The following MYO3A variants were observed in gnomAD, a reference collection of about 807,000 sequenced individuals.
MYO3A encodes the protein myosin-IIIa.
In MYO3A, 180 loss-of-function variants were observed where a neutral mutation model predicts 192.7. The ratio of observed to expected loss-of-function variants is 0.93; its 90% CI spans 0.83 to 1.06. The LOEUF is 1.06. MYO3A is among the 50% of genes least tolerant of loss of function. The probability of loss-of-function intolerance (pLI) is 0.00; values close to 1 mark genes in which losing one functional copy is unlikely to be tolerated. For synonymous variants in MYO3A, 628 were observed against 645.3 expected (o/e 0.97, Z 0.41); for missense variants, 1,896 against 1,905.0 (o/e 1.00, Z 0.09).
At chr10:26,193,038 A>C (rs1355842443) in intron 31 of MYO3A, among the ~76,000 whole-genome samples, 167 bp from the exon 32 acceptor site, 1 of 152,174 alleles carries the variant, frequency 6.6e-6, no homozygotes, top group Non-Finnish European at 1.5e-5. Flanking sequence ...AGGAAAGCAC[A>C]TGGTGAGGAG....
intron 17 of MYO3A, among the ~76,000 whole-genome samples, chr10:26,118,934 A>G (rs1838682936): frequency 6.6e-6 from 1 of 152,082 alleles, no homozygotes; most frequent in Admixed American, 6.6e-5. Context: ...GCCCAGCTCC[A>G]AGCTCTTTCT....
At chr10:25,974,769 G>A (rs948814479) in intron 4 of MYO3A, among the ~76,000 whole-genome samples, 1 of 152,130 alleles carries the variant, frequency 6.6e-6, no homozygotes, top group African/African-American at 2.4e-5. Flanking sequence ...ATTTTTAGTA[G>A]TTATGGTTGC....
chr10:25,952,607 T>A (rs1312285204), intron 3 of MYO3A, among the ~76,000 whole-genome samples: 1 of 152,166 alleles, frequency 6.6e-6, no homozygotes, highest in African/African-American at 2.4e-5. Context: ...GAAGTAATCC[T>A]GAAATGGCAT....
At chr10:26,008,033 A>G (rs140059512) in intron 6 of MYO3A, among the ~76,000 whole-genome samples, 19,624 of 149,826 alleles carry the variant, frequency 0.13, 1,600 homozygotes, top group East Asian at 0.34. Flanking sequence ...ACCAAAACAC[A>G]GATATAGATC....
chr10:26,024,132 G>A, intron 9 of MYO3A, 45 bp downstream of exon 9: 1 of 1,513,938 alleles, frequency 6.6e-7, no homozygotes, highest in Non-Finnish European at 9.2e-7. Flanking sequence ...ATTCCCTCCT[G>A]CTATAACTAA....
rs1840225521 is a variant in MYO3A, at chr10:26,142,571, AC to A, written c.2263-876del. Among the ~76,000 whole-genome samples the A allele has an allele frequency of 2.0e-5, 3 of 152,308 alleles. No homozygotes were observed. In the South Asian group the frequency reaches 6.2e-4, roughly 32 times the overall value. On this transcript the variant is annotated intron_variant, in intron 20 of 34. Coordinates refer to ENST00000642920, the MANE Select transcript of MYO3A (RefSeq NM_017433.5). Reference sequence around the variant, plus strand: ...TATTATTAATATGCCATATGTTTTTACTTTGTGAAGTGGGGTTTGTTACCCC... The same window carrying A: ...TATTATTAATATGCCATATGTTTTTATTTGTGAAGTGGGGTTTGTTACCCC...
intron 3 of MYO3A, among the ~76,000 whole-genome samples, chr10:25,954,529 A>G (rs1473448888): frequency 2.6e-5 from 4 of 152,278 alleles, no homozygotes; most frequent in South Asian, 2.1e-4. Context: ...TTTCAGGTCA[A>G]TGGCTTTGCC....
At chr10:26,179,792 C>CT (rs1362435203) in intron 31 of MYO3A, among the ~76,000 whole-genome samples, 1 of 152,168 alleles carries the variant, frequency 6.6e-6, no homozygotes, top group Non-Finnish European at 1.5e-5. Flanking sequence ...GAACAAAAGT[C>CT]TAACAATAAC....
At chr10:26,093,924 A>G (rs1836852537) in intron 15 of MYO3A, among the ~76,000 whole-genome samples, 2 of 152,302 alleles carry the variant, frequency 1.3e-5, no homozygotes, top group South Asian at 4.1e-4. Context: ...CTCTAGTTAT[A>G]TAAGACCCCC....
intron 10 of MYO3A, among the ~76,000 whole-genome samples, chr10:26,028,558 C>T (rs922837586): frequency 5.3e-5 from 8 of 152,112 alleles, no homozygotes; most frequent in African/African-American, 1.9e-4. Context: ...TCATTCTTCC[C>T]GAAACAGACA....
At chr10:26,035,939 A>G (rs1288261323) in intron 10 of MYO3A, among the ~76,000 whole-genome samples, 1 of 150,856 alleles carries the variant, frequency 6.6e-6, no homozygotes, top group Non-Finnish European at 1.5e-5. Flanking sequence ...TTTGCCTAAG[A>G]CTTTTTTTTT....
intron 14 of MYO3A, among the ~76,000 whole-genome samples, chr10:26,072,352 A>G (rs1032266605): frequency 1.3e-5 from 2 of 152,204 alleles, no homozygotes; most frequent in Non-Finnish European, 2.9e-5. Context: ...CAGGAAGCCA[A>G]TGACTGAGAT....
At chr10:26,194,944 C>T (rs1287792737) in intron 32 of MYO3A, among the ~76,000 whole-genome samples, 1 of 152,188 alleles carries the variant, frequency 6.6e-6, no homozygotes, top group Admixed American at 6.5e-5. Flanking sequence ...CGCACACACT[C>T]ACAGCTTTGT....
At position 26,157,310 on chromosome 10, in the gene MYO3A, T is replaced by G. The variant is rs749624405; in HGVS notation, c.2794T>G (p.Tyr932Asp). Reference sequence around the variant, plus strand: ...AATTTATTTTTGTTGTGTATTATAGTATTCCCTGATGGATTTGTTGTCTAA... The same window carrying G: ...AATTTATTTTTGTTGTGTATTATAGGATTCCCTGATGGATTTGTTGTCTAA... ...KTQTVASYFR[Y>D]SLMDLLSKMV... The change falls in exon 26 of 35, where the codon TAT becomes GAT. Residue 932 changes from tyrosine to aspartate, a missense_variant and splice_region_variant. By Grantham distance (160) the Tyr-to-Asp change is radical (BLOSUM62 -3). Transcript: ENST00000642920. 1 of 1,613,928 alleles carries G rather than the reference T, an allele frequency of 6.2e-7. No individual in the cohort carries two copies. Among genetic ancestry groups the G allele is most frequent in the East Asian group, 2.2e-5 (1 of 44,872 alleles).
chr10:26,068,954 A>G (rs993825126), intron 12 of MYO3A, 70 bp downstream of exon 12: 1 of 1,073,722 alleles, frequency 9.3e-7, no homozygotes, highest in Non-Finnish European at 1.4e-6. Flanking sequence ...AAATTAATTT[A>G]AATGAATGCC....
chr10:26,110,149 A>G (rs575042016), intron 17 of MYO3A, among the ~76,000 whole-genome samples: 7 of 152,296 alleles, frequency 4.6e-5, no homozygotes, highest in Admixed American at 3.9e-4. Context: ...CAACTTGACC[A>G]TCTTCATTTC....
intron 8 of MYO3A, 103 bp from the exon 9 acceptor site, chr10:26,023,919 C>T (rs1842427670): frequency 3.0e-6 from 3 of 1,006,524 alleles, no homozygotes; most frequent in South Asian, 1.3e-5. Flanking sequence ...TCCTTGATTA[C>T]AACTGGCAGA....
At position 26,212,038 on chromosome 10, in the gene MYO3A, G is replaced by A; in HGVS notation, c.*75G>A. The stretch of plus-strand genomic sequence containing the variant: ...GCAGCAGGGGCCAAGCAGGCACTCT[G>A]GGGCTGGCACCAGCAGGCACTGAAG... On this transcript the variant is annotated 3_prime_UTR_variant, in exon 35 of 35. Transcript: ENST00000642920. The A allele has an allele frequency of 6.4e-7, 1 of 1,556,890 alleles. No homozygotes were observed.
At chr10:26,015,375 C>A (rs935632981) in intron 6 of MYO3A, among the ~76,000 whole-genome samples, 1 of 152,112 alleles carries the variant, frequency 6.6e-6, no homozygotes, top group Non-Finnish European at 1.5e-5. Context: ...TTTTCCTAAT[C>A]TTCTTTACTT....
Sources: gnomAD v4.1 joint callset for allele counts (sites outside exome capture counted in the v4.1 genomes callset) on GRCh38, gnomAD v4.1.1 for gene constraint, MANE v1.5 for transcripts, NCBI Gene and HGNC (gene_info 2026-07-23, HGNC 2026-07-21) for gene names.